The following AGBL4 variants were observed in gnomAD, a reference collection of about 807,000 sequenced individuals.
The protein encoded by AGBL4 is AGBL carboxypeptidase 4, also known as cytosolic carboxypeptidase 6.
In AGBL4, 58 loss-of-function variants were observed where a neutral mutation model predicts 66.4. The observed-to-expected ratio is 0.87, with a 90% CI of 0.71 to 1.09. The LOEUF is 1.09. Ranked by LOEUF, AGBL4 falls within the 50% of genes least tolerant of loss-of-function variation. The pLI is 0.00. For missense variants in AGBL4, 579 were observed against 631.0 expected, an observed-to-expected ratio of 0.92 and a Z score of 0.88; for synonymous variants, 234 against 222.9, an observed-to-expected ratio of 1.05 and a Z score of -0.44.
At chr1:49,872,132 C>A (rs1373253073) in intron 1 of AGBL4, among the ~76,000 whole-genome samples, 1 of 151,878 alleles carries the variant, frequency 6.6e-6, no homozygotes, top group Non-Finnish European at 1.5e-5. Flanking sequence ...TTTGCTAATT[C>A]TTTTTTTGTC....
At chr1:48,593,795 A>T (rs1352838816) in intron 9 of AGBL4, among the ~76,000 whole-genome samples, 1 of 152,204 alleles carries the variant, frequency 6.6e-6, no homozygotes, top group African/African-American at 2.4e-5. Flanking sequence ...AATTCCTAGA[A>T]GTGAAATTCC....
intron 3 of AGBL4, among the ~76,000 whole-genome samples, chr1:49,552,293 C>T (rs1019085653): frequency 6.6e-6 from 1 of 152,170 alleles, no homozygotes; most frequent in African/African-American, 2.4e-5. Context: ...ACTGGATTCA[C>T]ACCCTCCCCC....
At chr1:49,924,583 G>A (rs1652581009) in intron 1 of AGBL4, among the ~76,000 whole-genome samples, 1 of 151,932 alleles carries the variant, frequency 6.6e-6, no homozygotes, top group African/African-American at 2.4e-5. Context: ...CATACTGCTG[G>A]TCACTGCATA....
chr1:49,246,212 A>T (rs1651632186), intron 3 of AGBL4, among the ~76,000 whole-genome samples: 1 of 151,990 alleles, frequency 6.6e-6, no homozygotes, highest in African/African-American at 2.4e-5. Flanking sequence ...AATTAAATTA[A>T]TATATGTACA....
At chr1:49,317,432 A>T (rs1248107772) in intron 3 of AGBL4, among the ~76,000 whole-genome samples, 1 of 151,940 alleles carries the variant, frequency 6.6e-6, no homozygotes, top group Admixed American at 6.6e-5. Context: ...TAAGTGATCA[A>T]TAAACATTTA....
intron 6 of AGBL4, among the ~76,000 whole-genome samples, chr1:48,699,597 T>A (rs962833682): frequency 3.9e-5 from 6 of 152,152 alleles, no homozygotes; most frequent in Admixed American, 3.9e-4. Context: ...ATCCAACAGC[T>A]CTCAATCAAT....
intron 3 of AGBL4, among the ~76,000 whole-genome samples, chr1:49,541,505 C>A (rs1652021982): frequency 6.6e-6 from 1 of 152,208 alleles, no homozygotes; most frequent in South Asian, 2.1e-4. Context: ...TGCACCAGGT[C>A]CCCCAGCAGT....
At chr1:49,945,011 G>C (rs999844858) in intron 1 of AGBL4, among the ~76,000 whole-genome samples, 2 of 151,848 alleles carry the variant, frequency 1.3e-5, no homozygotes, top group African/African-American at 2.4e-5. Context: ...ATCCAACAAA[G>C]GCAAAGAAAC....
intron 3 of AGBL4, among the ~76,000 whole-genome samples, chr1:49,273,796 C>G (rs1644110800): frequency 6.6e-6 from 1 of 152,124 alleles, no homozygotes; most frequent in Non-Finnish European, 1.5e-5. Flanking sequence ...CTGCCTCAGC[C>G]TCCTGAGTAG....
At chr1:49,489,400 A>C (rs988566074) in intron 3 of AGBL4, among the ~76,000 whole-genome samples, 4 of 151,524 alleles carry the variant, frequency 2.6e-5, no homozygotes, top group Admixed American at 2.6e-4. Flanking sequence ...TTTCCAGTAT[A>C]GTTGTTTTCC....
chr1:49,451,776 TA>T (rs1193283124), intron 3 of AGBL4, among the ~76,000 whole-genome samples: 1 of 151,918 alleles, frequency 6.6e-6, no homozygotes, highest in Non-Finnish European at 1.5e-5. Context: ...CAGTGCCGAT[TA>T]TAAGAATTGG....
chr1:49,589,987 C>A (rs1644722403), intron 3 of AGBL4, among the ~76,000 whole-genome samples: 1 of 151,954 alleles, frequency 6.6e-6, no homozygotes, highest in Non-Finnish European at 1.5e-5. Context: ...GTCTGTAGGA[C>A]CTAAATACAT....
At chr1:49,585,687 C>G (rs959446465) in intron 3 of AGBL4, among the ~76,000 whole-genome samples, 10 of 152,084 alleles carry the variant, frequency 6.6e-5, no homozygotes, top group African/African-American at 2.4e-4. Flanking sequence ...TCCAAATAAA[C>G]TATTATATAA....
At chr1:48,767,481 C>T (rs186238715) in intron 6 of AGBL4, among the ~76,000 whole-genome samples, 13 of 152,222 alleles carry the variant, frequency 8.5e-5, no homozygotes, top group African/African-American at 2.4e-4. Flanking sequence ...GCAAGCAAGA[C>T]GGATAAGACG....
chr1:49,085,587 C>T (rs891204478), intron 4 of AGBL4, among the ~76,000 whole-genome samples: 3 of 151,850 alleles, frequency 2.0e-5, no homozygotes, highest in Admixed American at 2.0e-4. Flanking sequence ...TGAACATTGA[C>T]TCTGCAGGGC....
At chr1:48,867,747 A>G (rs1052889392) in intron 5 of AGBL4, among the ~76,000 whole-genome samples, 3 of 152,202 alleles carry the variant, frequency 2.0e-5, no homozygotes, top group African/African-American at 7.2e-5. Flanking sequence ...TGCTCATAAT[A>G]CTATAACAAT....
At chr1:49,634,248 G>A (rs889798177) in intron 3 of AGBL4, among the ~76,000 whole-genome samples, 18 of 152,122 alleles carry the variant, frequency 1.2e-4, no homozygotes, top group African/African-American at 4.3e-4. Flanking sequence ...AGTGTGTGAT[G>A]TTCCCCTCCC....
At chr1:49,734,116 A>G (rs1035269174) in intron 2 of AGBL4, among the ~76,000 whole-genome samples, 2 of 152,152 alleles carry the variant, frequency 1.3e-5, no homozygotes, top group African/African-American at 4.8e-5. Context: ...TTGATATACT[A>G]TGAGTAGAAG....
At chr1:49,858,027 T>A (rs1465702316) in intron 1 of AGBL4, among the ~76,000 whole-genome samples, 1 of 151,762 alleles carries the variant, frequency 6.6e-6, no homozygotes, top group Non-Finnish European at 1.5e-5. Flanking sequence ...AACAAAAAAA[T>A]AAAATATCCT....
Sources: allele counts gnomAD v4.1 joint callset (sites outside exome capture counted in the v4.1 genomes callset), GRCh38; gene constraint gnomAD v4.1.1; transcripts MANE v1.5; gene names NCBI Gene and HGNC (gene_info 2026-07-23, HGNC 2026-07-21).